The following ABCC9 variants were observed in gnomAD, a reference collection of about 807,000 sequenced individuals.
ABCC9 encodes ATP-binding cassette sub-family C member 9.
A neutral mutation model predicts 188.3 loss-of-function variants in ABCC9; 95 were observed. The observed-to-expected ratio is 0.50, with a 90% confidence interval of 0.43 to 0.60. The LOEUF is 0.60. Among genes scored for constraint, ABCC9 ranks in the 20% least tolerant of loss-of-function variants. ABCC9 has a pLI of 0.00. For missense variants in ABCC9, 1,102 were observed against 1,876.3 expected, an observed-to-expected ratio of 0.59 and a Z score of 7.62; for synonymous variants, 659 against 652.7, an observed-to-expected ratio of 1.01 and a Z score of -0.15.
intron 29 of ABCC9, among the ~76,000 whole-genome samples, chr12:21,841,386 T>C (rs1944387744): frequency 7.9e-6 from 1 of 125,864 alleles, no homozygotes; most frequent in African/African-American, 3.1e-5. Context: ...TGAGACAGAG[T>C]CTCACTCTGT....
intron 12 of ABCC9, among the ~76,000 whole-genome samples, chr12:21,899,752 G>A (rs901894805): frequency 5.3e-5 from 8 of 152,282 alleles, no homozygotes; most frequent in African/African-American, 1.2e-4. Context: ...AGGTGGCAGC[G>A]AGGCTGGGGG....
At chr12:21,899,212 C>T (rs779969041) in intron 12 of ABCC9, among the ~76,000 whole-genome samples, 12 of 152,128 alleles carry the variant, frequency 7.9e-5, no homozygotes, top group Non-Finnish European at 1.3e-4. Context: ...ACAAGAGAAT[C>T]GTTGCAATCA....
intron 4 of ABCC9, among the ~76,000 whole-genome samples, chr12:21,932,920 C>T (rs1174314024): frequency 6.6e-6 from 1 of 151,422 alleles, no homozygotes; most frequent in Non-Finnish European, 1.5e-5. Flanking sequence ...TATAAAGACA[C>T]AAGCATGCAT....
In ABCC9 at chr12:21,798,923, A is replaced by G. The variant is rs1032814479; in HGVS notation, c.*2121T>C. ...CATGGAATACTATGCAGCCATACAA[A>G]ATGATGAGTTCATGTCCTTTGTAGG... On this transcript the variant is annotated 3_prime_UTR_variant, in exon 40 of 40. Transcript: ENST00000261200. 14 of 150,738 alleles carry G rather than the reference A, an allele frequency of 9.3e-5. No homozygotes were observed. The highest frequency in any genetic ancestry group is 1.8e-4 in the Non-Finnish European group (12 of 67,846). The allele number at this position is 150,738 out of a possible 1,614,324, so 9.3% of individuals were successfully genotyped here.
At chr12:21,805,127 G>T in intron 39 of ABCC9, 1 of 1,612,986 alleles carries the variant, frequency 6.2e-7, no homozygotes. Flanking sequence ...ATACTGCTAA[G>T]ATAACTACCG....
In ABCC9 at chr12:21,859,586, C is replaced by A. The variant is rs1945400976; in HGVS notation, c.2505G>T (p.Leu835Phe). 6.2e-7 allele frequency: 1 copy of A among 1,613,484 alleles called. No homozygotes were observed. Among genetic ancestry groups the A allele is most frequent in the African/African-American group, 1.3e-5 (1 of 74,852 alleles). The change falls in exon 22 of 40, where the codon TTG becomes TTT. Residue 835 changes from leucine to phenylalanine, a missense_variant and splice_region_variant. Around this residue, in one of 12 missense-constraint regions of ABCC9, gnomAD observed 31 missense variants for 78.8 expected, o/e 0.39. Coordinates refer to ENST00000261200, the MANE Select transcript of ABCC9 (RefSeq NM_020297.4). Reference protein sequence around the residue: ...ALYQNTNIVFLDDPFSALDIH... With the variant: ...ALYQNTNIVFFDDPFSALDIH... ...ATAAAAGGGAAGGCCATATTCTTACCAAAAAGACAATGTTGGTGTTTTGAT... is the reference window on the plus strand; with the variant it reads ...ATAAAAGGGAAGGCCATATTCTTACAAAAAAGACAATGTTGGTGTTTTGAT...
At position 21,872,605 on chromosome 12, in the gene ABCC9, C is replaced by T; in HGVS notation, c.2198+20G>A. 6.4e-7 allele frequency: 1 copy of T among 1,567,130 alleles called. No individual in the cohort carries two copies. Among genetic ancestry groups the T allele is most frequent in the South Asian group, 1.1e-5 (1 of 89,984 alleles). ...CAGATGTATGACATAGCAATGGAAG[C>T]CAACTAAAAATATACATACTTGCTC... On this transcript the variant is annotated intron_variant, in intron 18 of 39. Coordinates refer to ENST00000261200, the MANE Select transcript of ABCC9 (RefSeq NM_020297.4).
chr12:21,885,774 A>G (rs1178337607), intron 15 of ABCC9, among the ~76,000 whole-genome samples: 1 of 152,214 alleles, frequency 6.6e-6, no homozygotes, highest in Non-Finnish European at 1.5e-5. Flanking sequence ...ACAACTTAAC[A>G]GAAAGTGAAA....
intron 16 of ABCC9, among the ~76,000 whole-genome samples, chr12:21,882,556 T>C (rs1946675327): frequency 6.6e-6 from 1 of 152,218 alleles, no homozygotes; most frequent in Non-Finnish European, 1.5e-5. Context: ...CTCTGGTTAT[T>C]GAAATGTGCT....
intron 14 of ABCC9, 131 bp downstream of exon 14, chr12:21,893,901 C>A: frequency 6.3e-6 from 6 of 957,198 alleles, no homozygotes; most frequent in South Asian, 5.7e-5. Context: ...AGTAGCATAC[C>A]ACAATTTTAA....
At chr12:21,826,321 G>C (rs1189313030) in intron 31 of ABCC9, among the ~76,000 whole-genome samples, 1 of 151,940 alleles carries the variant, frequency 6.6e-6, no homozygotes, top group Non-Finnish European at 1.5e-5. Flanking sequence ...GTGGGGTGTA[G>C]AGAACAGTTC....
intron 34 of ABCC9, among the ~76,000 whole-genome samples, 195 bp downstream of exon 34, chr12:21,815,568 T>C (rs1453235881): frequency 6.6e-6 from 1 of 152,182 alleles, no homozygotes; most frequent in African/African-American, 2.4e-5. Context: ...ACTAGTGAAT[T>C]ACAATATGAC....
intron 12 of ABCC9, among the ~76,000 whole-genome samples, chr12:21,897,168 A>G (rs1947469753): frequency 6.6e-6 from 1 of 152,162 alleles, no homozygotes; most frequent in South Asian, 2.1e-4. Context: ...TTCTCTAATG[A>G]TGAGTGATGT....
chr12:21,813,115 C>T (rs1942373175), intron 35 of ABCC9, among the ~76,000 whole-genome samples: 2 of 152,130 alleles, frequency 1.3e-5, no homozygotes, highest in African/African-American at 4.8e-5. Context: ...AACTAGAATA[C>T]AAGCTCTTTA....
At position 21,818,142 on chromosome 12, in the gene ABCC9, A is replaced by G. The variant is rs371288129; in HGVS notation, c.3771+8T>C. 48 of 1,592,654 alleles carry G rather than the reference A, an allele frequency of 3.0e-5. No homozygotes were observed. The highest frequency in any genetic ancestry group is 3.6e-5 in the Non-Finnish European group (42 of 1,160,802). ...ATCTGTTCCTGTAATATTTTTATCC[A>G]TACCTACCGTAAGTGCATACAGAAG... On this transcript the variant is annotated splice_region_variant and intron_variant, in intron 32 of 39. Coordinates refer to ENST00000261200, the MANE Select transcript of ABCC9 (RefSeq NM_020297.4).
intron 18 of ABCC9, among the ~76,000 whole-genome samples, chr12:21,867,821 A>AG (rs1223344689): frequency 5.9e-5 from 4 of 67,496 alleles, no homozygotes; most frequent in Non-Finnish European, 8.6e-5. Flanking sequence ...GAGAGGGAAA[A>AG]GAAAAAAAAA....
chr12:21,884,994 C>T (rs965308013), intron 15 of ABCC9, among the ~76,000 whole-genome samples: 1 of 152,058 alleles, frequency 6.6e-6, no homozygotes, highest in Non-Finnish European at 1.5e-5. Context: ...TTATTGCCCC[C>T]ACAGGTCCAA....
intron 5 of ABCC9, chr12:21,923,870 A>G (rs1007111944): frequency 1.4e-6 from 1 of 696,718 alleles, no homozygotes; most frequent in African/African-American, 1.8e-5. Flanking sequence ...GAAATAGTAC[A>G]GATGTCTATT....
intron 18 of ABCC9, among the ~76,000 whole-genome samples, chr12:21,872,081 T>G (rs1325387684): frequency 6.6e-6 from 1 of 152,236 alleles, no homozygotes; most frequent in South Asian, 2.1e-4. Context: ...GTCTGGAAGA[T>G]GCACTTTCTT....
Sources: allele counts gnomAD v4.1 joint callset (sites outside exome capture counted in the v4.1 genomes callset), GRCh38; gene constraint gnomAD v4.1.1; regional missense constraint gnomAD v4.1.1; transcripts MANE v1.5; gene names NCBI Gene and HGNC (gene_info 2026-07-23, HGNC 2026-07-21).